The following ABCB1 variants were observed in gnomAD, a reference collection of about 807,000 sequenced individuals.
ABCB1 encodes the protein ATP binding cassette subfamily B member 1.
ABCB1 carries 69 observed loss-of-function variants against 142.0 expected under a neutral mutation model. That is an observed-to-expected ratio of 0.49 (90% CI 0.40 to 0.59). ABCB1 has a LOEUF of 0.59. Among genes scored for constraint, ABCB1 ranks in the 20% least tolerant of loss-of-function variants. The pLI, the probability that ABCB1 is intolerant of heterozygous loss-of-function variation, is 0.00. For missense variants in ABCB1, 1,326 were observed against 1,554.7 expected (o/e 0.85, Z 2.47); for synonymous variants, 532 against 539.2 (o/e 0.99, Z 0.18).
chr7:87,565,150 A>C (rs748133112), intron 7 of ABCB1, among the ~76,000 whole-genome samples: 1 of 152,244 alleles, frequency 6.6e-6, no homozygotes, highest in African/African-American at 2.4e-5. Flanking sequence ...TATTATTTGC[A>C]GAAACAAAAT....
chr7:87,572,838 T>G (rs1372776046), intron 4 of ABCB1, among the ~76,000 whole-genome samples: 1 of 135,746 alleles, frequency 7.4e-6, no homozygotes, highest in Admixed American at 9.2e-5. Flanking sequence ...AAGTAGGATC[T>G]AAATGATGAG....
intron 8 of ABCB1, among the ~76,000 whole-genome samples, chr7:87,556,140 T>C (rs1027822808): frequency 6.6e-6 from 1 of 152,174 alleles, no homozygotes; most frequent in African/African-American, 2.4e-5. Flanking sequence ...GAAATGGTCA[T>C]GAAAGTAGGA....
intron 4 of ABCB1, among the ~76,000 whole-genome samples, chr7:87,579,836 T>C (rs1460224070): frequency 6.6e-6 from 1 of 152,190 alleles, no homozygotes; most frequent in African/African-American, 2.4e-5. Context: ...TATTTGAGGT[T>C]ACCATCAGGT....
intron 21 of ABCB1, chr7:87,521,962 C>T (rs1815529097): frequency 1.2e-6 from 1 of 801,196 alleles, no homozygotes; most frequent in Admixed American, 1.7e-5. Context: ...TGAGAAATAC[C>T]CATACTGTGA....
chr7:87,687,699 A>G (rs955440077), intron 1 of ABCB1, among the ~76,000 whole-genome samples: 1 of 152,160 alleles, frequency 6.6e-6, no homozygotes, highest in African/African-American at 2.4e-5. Flanking sequence ...TTGGACTCTT[A>G]AAACGAGTTA....
chr7:87,586,826 T>G (rs1818778567), intron 3 of ABCB1, among the ~76,000 whole-genome samples: 1 of 152,130 alleles, frequency 6.6e-6, no homozygotes, highest in South Asian at 2.1e-4. Flanking sequence ...TGAATGGCAG[T>G]CCATAAAGCA....
intron 1 of ABCB1, among the ~76,000 whole-genome samples, chr7:87,676,458 T>G (rs1406306926): frequency 1.3e-5 from 2 of 152,202 alleles, no homozygotes; most frequent in Non-Finnish European, 1.5e-5. Context: ...TCCATCACTT[T>G]GGGAGGCCAA....
In ABCB1 at chr7:87,515,373, C is replaced by T. The variant is rs1815189162; in HGVS notation, c.3140G>A (p.Arg1047Gln). ...FGEVVFNYPTRPDIPVLQGLS... is the reference protein window; with the variant it reads ...FGEVVFNYPTQPDIPVLQGLS... ...TCCCTGAAGCACTGGGATGTCCGGT[C>T]GGGTGGGATAGTTGAATACAACTTC... Residue 1047 changes from arginine (R) to glutamine (Q), a missense_variant, in exon 25 of 28, where the codon CGA becomes CAA. By Grantham distance (43) the Arg-to-Gln change is conservative. Coordinates refer to ENST00000622132, the MANE Select transcript of ABCB1 (RefSeq NM_001348946.2). 3 of 1,614,098 alleles carry T rather than the reference C, an allele frequency of 1.9e-6. No homozygotes were observed. The highest frequency in any genetic ancestry group is 1.7e-5 in the Admixed American group (1 of 60,020).
At chr7:87,598,910 C>T (rs1317928033) in intron 2 of ABCB1, among the ~76,000 whole-genome samples, 1 of 152,182 alleles carries the variant, frequency 6.6e-6, no homozygotes, top group African/African-American at 2.4e-5. Flanking sequence ...CTGAAATTAG[C>T]TACTGAGGGG....
intron 1 of ABCB1, among the ~76,000 whole-genome samples, chr7:87,671,202 A>T (rs1361717530): frequency 6.6e-6 from 1 of 152,152 alleles, no homozygotes; most frequent in Admixed American, 6.5e-5. Context: ...TGGGAGACGT[A>T]CTGGCCTCCT....
At chr7:87,674,742 T>G (rs1305613681) in intron 1 of ABCB1, among the ~76,000 whole-genome samples, 1 of 152,104 alleles carries the variant, frequency 6.6e-6, no homozygotes, top group Non-Finnish European at 1.5e-5. Context: ...GTTGGGCATC[T>G]GAGGCCGCAT....
chr7:87,674,126 A>G (rs562877829), intron 1 of ABCB1, among the ~76,000 whole-genome samples: 3 of 152,260 alleles, frequency 2.0e-5, no homozygotes, highest in East Asian at 1.9e-4. Flanking sequence ...CAATACTCCT[A>G]TGGGTGGTAC....
intron 1 of ABCB1, among the ~76,000 whole-genome samples, chr7:87,690,918 G>GA (rs1028190885): frequency 7.9e-5 from 12 of 151,398 alleles, no homozygotes; most frequent in African/African-American, 2.7e-4. Context: ...AACTTTATTA[G>GA]AAAAAAATAT....
intron 1 of ABCB1, among the ~76,000 whole-genome samples, chr7:87,620,175 T>G (rs1300673765): frequency 1.3e-5 from 2 of 152,128 alleles, no homozygotes; most frequent in Non-Finnish European, 1.5e-5. Context: ...TTCTTTCTTT[T>G]TTTTAGACAG....
rs200376045 is a variant in ABCB1 at position 87,544,920 on chromosome 7, T to C, written c.1967A>G (p.Asn656Ser). The C allele has an allele frequency of 2.5e-6, 4 of 1,613,980 alleles. No individual in the cohort carries two copies. The highest frequency in any genetic ancestry group is 1.7e-5 in the Admixed American group (1 of 60,012). The part of the protein sequence containing the change: ...SEIDALEMSS[N>S]DSRSSLIRKR... Reference sequence around the variant, plus strand: ...TCTTATTAGACTGGATCTTGAATCATTTGAAGACATTTCCAAGGCATCAAT... The same window carrying C: ...TCTTATTAGACTGGATCTTGAATCACTTGAAGACATTTCCAAGGCATCAAT... The change falls in exon 16 of 28, where the codon AAT becomes AGT. Residue 656 changes from asparagine to serine, a missense_variant. Physicochemically the swap from Asn to Ser is conservative, Grantham distance 46. Coordinates refer to ENST00000622132, the MANE Select transcript of ABCB1 (RefSeq NM_001348946.2).
At chr7:87,622,717 A>T (rs1231291124) in intron 1 of ABCB1, among the ~76,000 whole-genome samples, 1 of 152,204 alleles carries the variant, frequency 6.6e-6, no homozygotes, top group Non-Finnish European at 1.5e-5. Flanking sequence ...TCAAAAAGGC[A>T]GTGAAACATG....
At chr7:87,512,727 G>A (rs1815069776) in intron 25 of ABCB1, among the ~76,000 whole-genome samples, 2 of 152,214 alleles carry the variant, frequency 1.3e-5, no homozygotes, top group African/African-American at 4.8e-5. Flanking sequence ...AGAGTTTATT[G>A]TGGACACTTT....
chr7:87,572,097 A>C (rs550357796), intron 4 of ABCB1, among the ~76,000 whole-genome samples: 1 of 152,352 alleles, frequency 6.6e-6, no homozygotes, highest in South Asian at 2.1e-4. Flanking sequence ...GTTTTCAAAA[A>C]TGAAACAGGA....
intron 1 of ABCB1, among the ~76,000 whole-genome samples, chr7:87,705,863 CA>C (rs747889263): frequency 6.6e-5 from 10 of 152,134 alleles, no homozygotes; most frequent in Non-Finnish European, 1.3e-4. Flanking sequence ...CAGATATTTA[CA>C]TTGGGTTTTC....
Sources: allele counts gnomAD v4.1 joint callset (sites outside exome capture counted in the v4.1 genomes callset), GRCh38; gene constraint gnomAD v4.1.1; transcripts MANE v1.5; gene names NCBI Gene and HGNC (gene_info 2026-07-23, HGNC 2026-07-21).